The following CYP4Z1 variants were observed in gnomAD, a reference collection of about 807,000 sequenced individuals.
The protein encoded by CYP4Z1 is cytochrome P450 family 4 subfamily Z member 1.
In CYP4Z1, 41 loss-of-function variants were observed where a neutral mutation model predicts 54.2. The observed-to-expected ratio is 0.76, with a 90% CI of 0.59 to 0.98. The LOEUF (loss-of-function observed/expected upper bound fraction) is 0.98. Among genes scored for constraint, CYP4Z1 ranks in the 50% least tolerant of loss-of-function variants. CYP4Z1 has a pLI of 0.00. For missense variants in CYP4Z1, 513 were observed against 599.0 expected (o/e 0.86, Z 1.50); for synonymous variants, 163 against 206.2 (o/e 0.79, Z 1.79).
chr1:47,109,816 A>T (rs1644780384), intron 9 of CYP4Z1, among the ~76,000 whole-genome samples: 1 of 151,848 alleles, frequency 6.6e-6, no homozygotes, highest in Non-Finnish European at 1.5e-5. Context: ...TTTTCCAGGG[A>T]ATCTTCACTG....
chr1:47,085,640 T>G (rs1644587503), intron 6 of CYP4Z1, among the ~76,000 whole-genome samples: 1 of 152,192 alleles, frequency 6.6e-6, no homozygotes. Flanking sequence ...ACTCTTTTTT[T>G]TCCATTTCTG....
At position 47,084,820 on chromosome 1, in the gene CYP4Z1, C is replaced by G. The variant is rs763196529; in HGVS notation, c.618-4C>G. 18 of 1,538,752 alleles carry G rather than the reference C, an allele frequency of 1.2e-5. No individual in the cohort carries two copies. Among genetic ancestry groups the G allele is most frequent in the Non-Finnish European group, 1.5e-5 (17 of 1,152,160 alleles). On this transcript the variant is annotated splice_polypyrimidine_tract_variant and splice_region_variant and intron_variant, in intron 5 of 11. Transcript: ENST00000334194. ...AACATGTTGTTCCATCTTCCCTATT[C>G]CAGTACCCTGGACTCATACCTGAAA...
Position 47,115,710 on chromosome 1 carries a change from A to G in CYP4Z1, c.1266+117A>G, listed in dbSNP as rs1259835746. 6.2e-6 allele frequency: 6 copies of G among 973,580 alleles called. No homozygotes were observed. The Admixed American group carries it at 1.4e-4, about 23-fold the overall frequency. 60.3% of individuals were successfully genotyped at this position (973,580 alleles called of 1,614,324 possible). On this transcript the variant is annotated intron_variant, in intron 10 of 11. Transcript: ENST00000334194. ...CGATCTGTCATTTAGAAAAGAACAAAACAGAACAAAAACCCTATGCTTTTA... is the reference window on the plus strand; with the variant it reads ...CGATCTGTCATTTAGAAAAGAACAAGACAGAACAAAAACCCTATGCTTTTA...
the CYP4Z1 span, among the ~76,000 whole-genome samples, chr1:47,059,270 G>T: frequency 6.6e-6 from 1 of 152,042 alleles, no homozygotes; most frequent in Non-Finnish European, 1.5e-5. Flanking sequence ...TAAACCCTGA[G>T]GTTAACATTT....
chr1:47,070,451 A>G lies in CYP4Z1; in HGVS notation c.319+1688A>G, dbSNP rs979757961. ...TGGAACTCTGTACACATTAAACTCT[A>G]ACTCCCCATTTTCCCCTCCCCCCAG... is the stretch of plus-strand genomic sequence containing the variant. On this transcript the variant is annotated intron_variant, in intron 2 of 11. Transcript: ENST00000334194. Among the ~76,000 whole-genome samples the G allele has an allele frequency of 9.2e-5, 7 of 75,954 alleles. 1 individual carries two copies. Among genetic ancestry groups the G allele is most frequent in the Non-Finnish European group, 1.6e-4 (7 of 43,508 alleles). The allele number at this position is 75,954 out of a possible 152,430, so 49.8% of individuals were successfully genotyped here.
intron 7 of CYP4Z1, among the ~76,000 whole-genome samples, chr1:47,095,494 T>C (rs1644670838): frequency 6.6e-6 from 1 of 152,142 alleles, no homozygotes. Context: ...AGGCTAGCAA[T>C]CCTGTAAGGA....
chr1:47,078,379 T>G (rs949224111), intron 2 of CYP4Z1, among the ~76,000 whole-genome samples: 3 of 151,864 alleles, frequency 2.0e-5, no homozygotes, highest in Non-Finnish European at 4.4e-5. Flanking sequence ...TTTATTTGTT[T>G]CTGTTTACAA....
chr1:47,057,305 G>T, the CYP4Z1 span, among the ~76,000 whole-genome samples: 1 of 110,864 alleles, frequency 9.0e-6, no homozygotes, highest in South Asian at 3.0e-4. Flanking sequence ...AGTCTGATGG[G>T]CTTCCCTTTG....
At chr1:47,091,138 C>A (rs1332490238) in intron 6 of CYP4Z1, among the ~76,000 whole-genome samples, 5 of 134,710 alleles carry the variant, frequency 3.7e-5, no homozygotes, top group African/African-American at 1.6e-4. Context: ...AGTTTGCCAT[C>A]CTGACTGTAA....
intron 2 of CYP4Z1, among the ~76,000 whole-genome samples, chr1:47,076,644 G>C (rs1424119339): frequency 1.3e-5 from 2 of 151,592 alleles, no homozygotes; most frequent in African/African-American, 4.9e-5. Flanking sequence ...AGGAGATCGA[G>C]ACCATCCTGG....
intron 6 of CYP4Z1, among the ~76,000 whole-genome samples, chr1:47,087,088 T>C (rs1210537308): frequency 6.6e-6 from 1 of 152,190 alleles, no homozygotes; most frequent in Non-Finnish European, 1.5e-5. Context: ...GCTGTTTTGG[T>C]TACTGTAGCC....
At chr1:47,089,759 A>G (rs1338176832) in intron 6 of CYP4Z1, among the ~76,000 whole-genome samples, 1 of 152,336 alleles carries the variant, frequency 6.6e-6, no homozygotes, top group African/African-American at 2.4e-5. Flanking sequence ...GAACCCTTAG[A>G]TCAACCTCAG....
intron 6 of CYP4Z1, among the ~76,000 whole-genome samples, chr1:47,085,802 T>C (rs1325585359): frequency 6.6e-6 from 1 of 152,028 alleles, no homozygotes; most frequent in Non-Finnish European, 1.5e-5. Context: ...CATTAACTTG[T>C]CATTTACCTT....
At chr1:47,058,378 G>C in the CYP4Z1 span, among the ~76,000 whole-genome samples, 1 of 152,030 alleles carries the variant, frequency 6.6e-6, no homozygotes, top group South Asian at 2.1e-4. Context: ...AACATTTTCT[G>C]GTTCCCCTAC....
In CYP4Z1 at chr1:47,113,876, T is replaced by A. The variant is rs140046646; in HGVS notation, c.1202-1653T>A. On this transcript the variant is annotated intron_variant, in intron 9 of 11. Coordinates refer to ENST00000334194, the MANE Select transcript of CYP4Z1 (RefSeq NM_178134.3). ...GTGAAAATGGCCATACTGCCCAAGG[T>A]AATTTATAGTTTCAATGCCATCCCT... Among the ~76,000 whole-genome samples, 1,086 of 152,294 alleles carry A rather than the reference T, an allele frequency of 7.1e-3. 8 individuals carry two copies. Among genetic ancestry groups the A allele is most frequent in the African/African-American group, 0.025 (1,031 of 41,552 alleles).
chr1:47,056,082 C>A, the CYP4Z1 span, among the ~76,000 whole-genome samples: 2 of 152,066 alleles, frequency 1.3e-5, no homozygotes, highest in African/African-American at 4.8e-5. Flanking sequence ...CCTCTACACA[C>A]TGCTTTGAAT....
chr1:47,103,695 A>G (rs1454919550), intron 8 of CYP4Z1, among the ~76,000 whole-genome samples: 1 of 149,834 alleles, frequency 6.7e-6, no homozygotes, highest in African/African-American at 2.5e-5. Context: ...CCCGGGTTCA[A>G]GCAATTCTCC....
upstream of CYP4Z1, among the ~76,000 whole-genome samples, chr1:47,062,631 A>G (rs539898638): frequency 2.6e-5 from 4 of 152,146 alleles, no homozygotes; most frequent in Non-Finnish European, 5.9e-5. Flanking sequence ...TACCCCTGGG[A>G]ATATAGCTCC....
At chr1:47,095,777 G>C (rs1266108271) in intron 7 of CYP4Z1, among the ~76,000 whole-genome samples, 3 of 152,110 alleles carry the variant, frequency 2.0e-5, no homozygotes, top group Non-Finnish European at 4.4e-5. Context: ...TTCTGGTTTG[G>C]TCCAAATCTC....
Sources: gnomAD v4.1 joint callset for allele counts (sites outside exome capture counted in the v4.1 genomes callset) on GRCh38, gnomAD v4.1.1 for gene constraint, MANE v1.5 for transcripts, NCBI Gene and HGNC (gene_info 2026-07-23, HGNC 2026-07-21) for gene names.